NAALADL2: variants seen among roughly 807,000 people sequenced by gnomAD.
NAALADL2 encodes the protein N-acetylated alpha-linked acidic dipeptidase like 2, also known as inactive N-acetylated-alpha-linked acidic dipeptidase-like protein 2.
Under a neutral mutation model 87.2 loss-of-function variants are expected in NAALADL2, and 76 were observed. That is an observed-to-expected ratio of 0.87 (90% CI 0.72 to 1.05). The LOEUF is 1.05. Ranked by LOEUF, NAALADL2 falls within the 50% of genes least tolerant of loss-of-function variation. The probability of loss-of-function intolerance (pLI) is 0.00; values close to 1 mark genes in which losing one functional copy is unlikely to be tolerated. For missense variants in NAALADL2, 1,089 were observed against 945.8 expected, an observed-to-expected ratio of 1.15 and a Z score of -1.99; for synonymous variants, 354 against 331.0, an observed-to-expected ratio of 1.07 and a Z score of -0.75.
chr3:175,653,762 T>A (rs759122274), intron 11 of NAALADL2, among the ~76,000 whole-genome samples: 16 of 152,208 alleles, frequency 1.1e-4, no homozygotes, highest in Non-Finnish European at 2.2e-4. Flanking sequence ...AAGACTTTCA[T>A]GAGGTTCTCT....
intron 4 of NAALADL2, among the ~76,000 whole-genome samples, chr3:175,263,746 G>T (rs1751481625): frequency 6.6e-6 from 1 of 151,652 alleles, no homozygotes; most frequent in African/African-American, 2.4e-5. Context: ...GTGATGGAGA[G>T]ATGAAGAAAA....
chr3:175,724,959 G>A (rs914660707), intron 11 of NAALADL2, among the ~76,000 whole-genome samples: 4 of 151,732 alleles, frequency 2.6e-5, no homozygotes, highest in Non-Finnish European at 4.4e-5. Context: ...TAATGTGATT[G>A]CTTTCATTTA....
chr3:174,888,122 T>C (rs184945627), intron 1 of NAALADL2, among the ~76,000 whole-genome samples: 198 of 152,282 alleles, frequency 1.3e-3, no homozygotes, highest in African/African-American at 4.7e-3. Flanking sequence ...GGGAAAAAAG[T>C]ATCCCTAGCA....
At chr3:175,094,139 T>C (rs1720689315) in intron 1 of NAALADL2, among the ~76,000 whole-genome samples, 1 of 151,870 alleles carries the variant, frequency 6.6e-6, no homozygotes, top group South Asian at 2.1e-4. Context: ...AAAAAACCTT[T>C]AGAGAGAGAG....
chr3:175,067,887 C>T (rs1386913692), intron 1 of NAALADL2, among the ~76,000 whole-genome samples: 1 of 152,038 alleles, frequency 6.6e-6, no homozygotes, highest in African/African-American at 2.4e-5. Flanking sequence ...GGTATATATA[C>T]ACCATGAAAT....
intron 3 of NAALADL2, among the ~76,000 whole-genome samples, chr3:174,796,401 G>C (rs888404179): frequency 6.6e-6 from 1 of 151,998 alleles, no homozygotes; most frequent in African/African-American, 2.4e-5. Context: ...TGAGTCTCCA[G>C]TGCCTATGGT....
At chr3:174,714,225 C>G (rs1469709520) in intron 2 of NAALADL2, among the ~76,000 whole-genome samples, 1 of 152,090 alleles carries the variant, frequency 6.6e-6, no homozygotes, top group Non-Finnish European at 1.5e-5. Context: ...AGTTTGAAGT[C>G]AGGTCGCGTG....
intron 3 of NAALADL2, among the ~76,000 whole-genome samples, chr3:174,816,136 T>C (rs1720771482): frequency 6.6e-6 from 1 of 152,092 alleles, no homozygotes; most frequent in Non-Finnish European, 1.5e-5. Flanking sequence ...CTTTAAATTG[T>C]ATAGCACGTA....
intron 12 of NAALADL2, among the ~76,000 whole-genome samples, chr3:175,739,876 A>G (rs542774866): frequency 1.3e-5 from 2 of 152,340 alleles, no homozygotes; most frequent in South Asian, 2.1e-4. Flanking sequence ...TAAATGCCAT[A>G]ATATTAATTA....
intron 2 of NAALADL2, among the ~76,000 whole-genome samples, chr3:174,564,066 AG>A (rs1312398009): frequency 6.6e-6 from 1 of 152,162 alleles, no homozygotes; most frequent in Non-Finnish European, 1.5e-5. Context: ...TGTTCTACCT[AG>A]GTATGCCTGA....
At chr3:175,054,671 C>T (rs1711731062) in intron 1 of NAALADL2, among the ~76,000 whole-genome samples, 1 of 152,172 alleles carries the variant, frequency 6.6e-6, no homozygotes, top group African/African-American at 2.4e-5. Flanking sequence ...GTTCTGGATG[C>T]TTAACAATGG....
Position 175,106,868 on chromosome 3 carries a change from G to A in NAALADL2, c.545+9577G>A, listed in dbSNP as rs988544429. Among the ~76,000 whole-genome samples, 8 of 151,634 alleles carry A rather than the reference G, an allele frequency of 5.3e-5. No individual in the cohort carries two copies. In the East Asian group the frequency reaches 9.7e-4, roughly 18 times the overall value. The stretch of plus-strand genomic sequence containing the variant: ...TAATCTCATAGGAGTGATTTACAGG[G>A]GAACATTTAAATTAAAATACATTTT... On this transcript the variant is annotated intron_variant, in intron 2 of 13. Transcript: ENST00000454872.
chr3:175,165,897 ATTG>A lies in NAALADL2; in HGVS notation c.546-68028_546-68026del, dbSNP rs538641176. 4.3e-4 allele frequency among the ~76,000 whole-genome samples: 66 copies of A among 151,820 alleles called. 1 individual carries two copies. Among genetic ancestry groups the A allele is most frequent in the African/African-American group, 1.5e-3 (62 of 41,392 alleles). Reference sequence around the variant, plus strand: ...CTGATTGATCCACCCTCTTCCTCTTATTGTTGTTTGCTGATATCTTTCTGTTTA... The same window carrying A: ...CTGATTGATCCACCCTCTTCCTCTTATTGTTTGCTGATATCTTTCTGTTTA... On this transcript the variant is annotated intron_variant, in intron 2 of 13. Transcript: ENST00000454872.
At chr3:175,183,559 T>C (rs1245582813) in intron 2 of NAALADL2, among the ~76,000 whole-genome samples, 1 of 152,138 alleles carries the variant, frequency 6.6e-6, no homozygotes, top group Non-Finnish European at 1.5e-5. Flanking sequence ...ATATTGGATT[T>C]TGTTAAATTC....
chr3:175,203,727 T>G, intron 2 of NAALADL2, among the ~76,000 whole-genome samples: 1 of 151,876 alleles, frequency 6.6e-6, no homozygotes, highest in Admixed American at 6.6e-5. Flanking sequence ...AGAGAGCAAA[T>G]CCAAATAACC....
chr3:175,668,760 G>T (rs1016392197), intron 11 of NAALADL2, among the ~76,000 whole-genome samples: 1 of 152,038 alleles, frequency 6.6e-6, no homozygotes, highest in Non-Finnish European at 1.5e-5. Context: ...AAAACTACCA[G>T]ATTGTCTCAG....
At chr3:174,931,642 A>G (rs1178961820) in intron 1 of NAALADL2, among the ~76,000 whole-genome samples, 1 of 152,208 alleles carries the variant, frequency 6.6e-6, no homozygotes, top group Non-Finnish European at 1.5e-5. Context: ...AATGTTAACT[A>G]TCTCTTCAAG....
At chr3:175,109,863 C>T (rs1253769657) in intron 2 of NAALADL2, among the ~76,000 whole-genome samples, 2 of 151,812 alleles carry the variant, frequency 1.3e-5, no homozygotes, top group Admixed American at 1.3e-4. Context: ...AGCAGGTCAG[C>T]AGAAAGGGCA....
chr3:175,391,791 T>A (rs1263016815), intron 5 of NAALADL2, among the ~76,000 whole-genome samples: 1 of 152,150 alleles, frequency 6.6e-6, no homozygotes, highest in Non-Finnish European at 1.5e-5. Context: ...TCTGAATCAT[T>A]TCTTTATTCC....
Sources: gnomAD v4.1 joint callset for allele counts (sites outside exome capture counted in the v4.1 genomes callset) on GRCh38, gnomAD v4.1.1 for gene constraint, MANE v1.5 for transcripts, NCBI Gene and HGNC (gene_info 2026-07-23, HGNC 2026-07-21) for gene names.